KANK2: variants seen among roughly 807,000 people sequenced by gnomAD.
KANK2 encodes KN motif and ankyrin repeat domains 2, also known as KN motif and ankyrin repeat domain-containing protein 2.
Under a neutral mutation model 74.6 loss-of-function variants are expected in KANK2, and 41 were observed. That is an observed-to-expected ratio of 0.55 (90% CI 0.43 to 0.71). The LOEUF (loss-of-function observed/expected upper bound fraction) is 0.71, where lower values mean the gene tolerates loss of function less well. Among genes scored for constraint, KANK2 ranks in the 30% least tolerant of loss-of-function variants. The pLI is 0.00. For synonymous variants in KANK2, 537 were observed against 519.0 expected, an observed-to-expected ratio of 1.03 and a Z score of -0.47; for missense variants, 1,148 against 1,196.4, an observed-to-expected ratio of 0.96 and a Z score of 0.60.
chr19:11,174,735 GC>G, intron 8 of KANK2, 43 bp from the exon 9 acceptor site: 1 of 1,470,260 alleles, frequency 6.8e-7, no homozygotes, highest in South Asian at 1.2e-5. Context: ...GGCGGGGGAG[GC>G]CCACTGGGAC....
chr19:11,186,362 T>G (rs891512370), intron 4 of KANK2, among the ~76,000 whole-genome samples: 2 of 151,330 alleles, frequency 1.3e-5, no homozygotes, highest in African/African-American at 4.9e-5. Flanking sequence ...CACTCCAGCC[T>G]GAGAAACAGA....
intron 4 of KANK2, among the ~76,000 whole-genome samples, chr19:11,181,001 CG>C (rs1338254330): frequency 6.9e-6 from 1 of 145,262 alleles, no homozygotes; most frequent in Non-Finnish European, 1.5e-5. Flanking sequence ...GCAGGACAAT[CG>C]CTTGAACCCG....
At chr19:11,172,823 C>T (rs1226451505) in intron 10 of KANK2, among the ~76,000 whole-genome samples, 158 bp downstream of exon 10, 1 of 152,150 alleles carries the variant, frequency 6.6e-6, no homozygotes, top group Non-Finnish European at 1.5e-5. Context: ...ATCCTCTACT[C>T]CTTCTAGTTT....
chr19:11,175,858 G>C (rs948563402), intron 8 of KANK2, 44 bp downstream of exon 8: 2 of 1,474,378 alleles, frequency 1.4e-6, no homozygotes, highest in Non-Finnish European at 1.9e-6. Context: ...GGTGGAGGTA[G>C]GGGTCCGGGG....
chr19:11,183,838 A>C (rs1195617375), intron 4 of KANK2, among the ~76,000 whole-genome samples: 1 of 151,900 alleles, frequency 6.6e-6, no homozygotes, highest in Non-Finnish European at 1.5e-5. Context: ...TTTTTAGTAG[A>C]GATGGGGTTT....
chr19:11,177,760 C>T (rs558885293), intron 6 of KANK2, among the ~76,000 whole-genome samples: 3 of 152,246 alleles, frequency 2.0e-5, no homozygotes, highest in South Asian at 2.1e-4. Flanking sequence ...CTTCTAGGCT[C>T]GGCATTCAAG....
chr19:11,194,608 C>A lies in KANK2; in HGVS notation c.-79-18G>T, dbSNP rs964979916. ...AGGCTTACCTGGGGAAAGAGAACCACGGCGCCGGGAGTTAGGAGTCTGTAG... is the reference window on the plus strand; with the variant it reads ...AGGCTTACCTGGGGAAAGAGAACCAAGGCGCCGGGAGTTAGGAGTCTGTAG... On this transcript the variant is annotated intron_variant, in intron 2 of 12. Coordinates refer to ENST00000586659, the MANE Select transcript of KANK2 (RefSeq NM_001136191.3). 2.0e-6 allele frequency: 2 copies of A among 986,756 alleles called. No homozygotes were observed. Among genetic ancestry groups the A allele is most frequent in the East Asian group, 2.4e-5 (1 of 41,308 alleles). The allele number at this position is 986,756 out of a possible 1,614,324, so 61.1% of individuals were successfully genotyped here.
chr19:11,179,102 G>A (rs2078436502), intron 4 of KANK2, among the ~76,000 whole-genome samples: 1 of 151,488 alleles, frequency 6.6e-6, no homozygotes, highest in Admixed American at 6.6e-5. Flanking sequence ...AATCCCCTGA[G>A]ATCAGAAGTT....
chr19:11,184,410 G>C (rs2078618137), intron 4 of KANK2, among the ~76,000 whole-genome samples: 1 of 148,608 alleles, frequency 6.7e-6, no homozygotes, highest in African/African-American at 2.5e-5. Context: ...GAAGACCTCT[G>C]AGATCCTCAT....
At chr19:11,182,608 C>A (rs540704829) in intron 4 of KANK2, among the ~76,000 whole-genome samples, 1 of 150,996 alleles carries the variant, frequency 6.6e-6, no homozygotes, top group Non-Finnish European at 1.5e-5. Context: ...CTTTGGGAGG[C>A]CAAGGCAGGC....
In KANK2 at chr19:11,193,444, G is replaced by T; in HGVS notation, c.636C>A (p.Leu212=). ...CCTGGAGCACCGAGAGCTTCACCTG[G>T]AGCACAGGGATCAGCTTCACCTGCT... ...LEEQVKLIPV[L]QVKLSVLQEE... is the part of the protein sequence containing the mutation. The change falls in exon 4 of 13, where the codon CTC becomes CTA. Residue 212 remains leucine (L), a synonymous_variant. Coordinates refer to ENST00000586659, the MANE Select transcript of KANK2 (RefSeq NM_001136191.3). The surrounding 1 kb of genome is among the most constrained non-coding windows in gnomAD (Gnocchi z 9.6). 6.2e-7 allele frequency: 1 copy of T among 1,612,332 alleles called. No individual in the cohort carries two copies. Among genetic ancestry groups the T allele is most frequent in the South Asian group, 1.1e-5 (1 of 91,078 alleles).
In KANK2 at chr19:11,184,729, A is replaced by G. The variant is rs528875999; in HGVS notation, c.1250-6009T>C. 1.5e-3 allele frequency among the ~76,000 whole-genome samples: 220 copies of G among 149,606 alleles called. 12 individuals carry two copies. Among genetic ancestry groups the G allele is most frequent in the African/African-American group, 5.1e-3 (209 of 40,718 alleles). On this transcript the variant is annotated intron_variant, in intron 4 of 12. Transcript: ENST00000586659. ...CTTTTTTTTTAATGTGAAAAAAAAA[A>G]ATCAATAAATAAACTAGAGCAGCGC...
Position 11,192,952 on chromosome 19 carries a change from TGGGCTCTCAGGCCTACCAGGCATTGCCA to T in KANK2, c.1100_1127del (p.Leu367HisfsTer27). The T allele has an allele frequency of 6.2e-7, 1 of 1,614,140 alleles. No homozygotes were observed. The highest frequency in any genetic ancestry group is 8.5e-7 in the Non-Finnish European group (1 of 1,180,002). On this transcript the variant is annotated frameshift_variant, in exon 4 of 13. Transcript: ENST00000586659. LOFTEE classifies it high-confidence loss of function. ...CCACCTCCTGGCTGCGGAACACAGG[TGGGCTCTCAGGCCTACCAGGCATTGCCA>T]GGGCCCTCAGCCCTGTGCCGTAAGG... is the stretch of plus-strand genomic sequence containing the variant.
At chr19:11,173,612 G>A (rs574135392) in intron 9 of KANK2, among the ~76,000 whole-genome samples, 13 of 152,312 alleles carry the variant, frequency 8.5e-5, no homozygotes, top group South Asian at 4.1e-4. Flanking sequence ...TCATGCAGGC[G>A]TGTTAGGTTC....
At chr19:11,175,841 C>T (rs908165807) in intron 8 of KANK2, 61 bp downstream of exon 8, 14 of 1,252,388 alleles carry the variant, frequency 1.1e-5, no homozygotes, top group East Asian at 7.0e-5. Flanking sequence ...GGAGAGGCCA[C>T]GGGTGGGGTG....
intron 12 of KANK2, among the ~76,000 whole-genome samples, chr19:11,167,828 T>C (rs1167297286): frequency 1.3e-5 from 2 of 151,488 alleles, no homozygotes; most frequent in African/African-American, 2.4e-5. Flanking sequence ...GAGTCTGGCC[T>C]GAATGCTCCT....
Position 11,169,892 on chromosome 19 carries a change from C to A in KANK2, c.2487G>T (p.Met829Ile). The change falls in exon 12 of 13, where the codon ATG becomes ATT. Residue 829 changes from methionine (M) to isoleucine (I), a missense_variant. Coordinates refer to ENST00000586659, the MANE Select transcript of KANK2 (RefSeq NM_001136191.3). ...TGAGACTCACCGAGCACTTGATGTT[C>A]ATGCGGGAATACAGCATGGACGCAA... ...SEIASMLYSR[M>I]NIKCSFAPMS... 6.2e-7 allele frequency: 1 copy of A among 1,614,130 alleles called. No individual in the cohort carries two copies. The highest frequency in any genetic ancestry group is 1.6e-4 in the Middle Eastern group (1 of 6,062).
chr19:11,193,583 G>A lies in KANK2; in HGVS notation c.497C>T (p.Pro166Leu). The A allele has an allele frequency of 1.3e-6, 2 of 1,587,926 alleles. No homozygotes were observed. Among genetic ancestry groups the A allele is most frequent in the Non-Finnish European group, 1.7e-6 (2 of 1,168,648 alleles). ...TASLVGVGLP[P>L]PTPRSSGLST... ...CAGTCCTGAACTCCGTGGTGTCGGG[G>A]GTGGCAACCCCACGCCCACCAGGGA... Residue 166 changes from proline to leucine, a missense_variant, in exon 4 of 13, where the codon CCC (proline) becomes CTC (leucine). Transcript: ENST00000586659. This position sits in a 1 kb window ranked among gnomAD's most constrained non-coding sequence, Gnocchi z 9.6.
At chr19:11,186,849 T>C (rs762915113) in intron 4 of KANK2, among the ~76,000 whole-genome samples, 3 of 152,144 alleles carry the variant, frequency 2.0e-5, no homozygotes, top group Admixed American at 6.6e-5. Context: ...TGGAGTGAAG[T>C]TGCAAATCCT....
Sources: allele counts gnomAD v4.1 joint callset (sites outside exome capture counted in the v4.1 genomes callset), GRCh38; gene constraint gnomAD v4.1.1; non-coding constraint Gnocchi (gnomAD v3.1); transcripts MANE v1.5; gene names NCBI Gene and HGNC (gene_info 2026-07-23, HGNC 2026-07-21).